Variants in BRD10 observed in about 807,000 individuals in gnomAD.
The protein encoded by BRD10 is uncharacterized bromodomain-containing protein 10.
chr9:5,990,008 G>A, the BRD10 span, among the ~76,000 whole-genome samples: 1 of 152,158 alleles, frequency 6.6e-6, no homozygotes, highest in Admixed American at 6.5e-5. Context: ...ACCATTATGT[G>A]TTTTCTCTGT....
the BRD10 span, among the ~76,000 whole-genome samples, chr9:5,937,248 T>TTAA: frequency 7.4e-6 from 1 of 136,012 alleles, no homozygotes; most frequent in Non-Finnish European, 1.6e-5. Context: ...AAAAAAGGGT[T>TTAA]TAAAGCAAAT....
the BRD10 span, chr9:6,007,460 T>C: frequency 1.2e-6 from 2 of 1,608,572 alleles, no homozygotes; most frequent in Non-Finnish European, 8.5e-7. Context: ...TCCTCCGCGG[T>C]GGCAACGCCC....
chr9:5,896,424 C>G, the BRD10 span, among the ~76,000 whole-genome samples: 1 of 152,134 alleles, frequency 6.6e-6, no homozygotes, highest in Admixed American at 6.5e-5. Flanking sequence ...ACTGTCATCC[C>G]ATGGTTCGCT....
At chr9:5,901,296 T>C in the BRD10 span, among the ~76,000 whole-genome samples, 2 of 152,206 alleles carry the variant, frequency 1.3e-5, no homozygotes, top group African/African-American at 2.4e-5. Flanking sequence ...CCTTGCCTTG[T>C]TCCTGATCTT....
At chr9:6,001,428 C>A in the BRD10 span, among the ~76,000 whole-genome samples, 1 of 152,164 alleles carries the variant, frequency 6.6e-6, no homozygotes, top group African/African-American at 2.4e-5. Flanking sequence ...GACTTAGCTG[C>A]CACTACATAT....
the BRD10 span, among the ~76,000 whole-genome samples, chr9:5,944,347 A>G: frequency 9.2e-5 from 14 of 152,242 alleles, no homozygotes; most frequent in African/African-American, 3.4e-4. Context: ...AGAAAATGAA[A>G]GTAAAGATTA....
the BRD10 span, chr9:5,906,765 G>A: frequency 3.3e-6 from 2 of 601,948 alleles, no homozygotes; most frequent in Non-Finnish European, 5.8e-6. Context: ...AAGGCACACA[G>A]CAAGTAAGTG....
At chr9:5,910,301 C>T in the BRD10 span, 4 of 152,000 alleles carry the variant, frequency 2.6e-5, no homozygotes, top group African/African-American at 9.7e-5. Flanking sequence ...CTACTAAAGA[C>T]AAAATTTCAC....
the BRD10 span, among the ~76,000 whole-genome samples, chr9:5,995,360 T>C: frequency 1.3e-5 from 2 of 152,250 alleles, no homozygotes; most frequent in Admixed American, 1.3e-4. Flanking sequence ...CCTTACTTTA[T>C]GTTTCAGTGA....
At chr9:5,919,632 G>C in the BRD10 span, 6 of 1,486,854 alleles carry the variant, frequency 4.0e-6, no homozygotes, top group Non-Finnish European at 5.4e-6. Context: ...AAATTTTTAT[G>C]GGAGTCAAAA....
At chr9:6,003,533 T>C in the BRD10 span, among the ~76,000 whole-genome samples, 1 of 152,178 alleles carries the variant, frequency 6.6e-6, no homozygotes, top group African/African-American at 2.4e-5. Context: ...AATAGATATG[T>C]TATCTAACAG....
chr9:5,968,167 TTTC>T, the BRD10 span: 1 of 1,604,876 alleles, frequency 6.2e-7, no homozygotes, highest in South Asian at 1.1e-5. Context: ...ATTTCTTTTT[TTTC>T]TTTTTCTTCT....
chr9:5,949,352 C>T, the BRD10 span, among the ~76,000 whole-genome samples: 1 of 151,964 alleles, frequency 6.6e-6, no homozygotes, highest in Non-Finnish European at 1.5e-5. Context: ...AGCGAGACTC[C>T]GTCTCAAAAC....
the BRD10 span, chr9:5,921,339 A>G: frequency 6.2e-7 from 1 of 1,613,826 alleles, no homozygotes; most frequent in Admixed American, 1.7e-5. Flanking sequence ...CCCACTGTAG[A>G]CGGAATCAGT....
chr9:5,926,221 C>A, the BRD10 span, among the ~76,000 whole-genome samples: 30 of 152,110 alleles, frequency 2.0e-4, no homozygotes, highest in African/African-American at 6.3e-4. Context: ...TGGCCATGTT[C>A]TCCAATTTAT....
the BRD10 span, among the ~76,000 whole-genome samples, chr9:5,974,568 C>A: frequency 9.9e-5 from 15 of 152,126 alleles, no homozygotes; most frequent in African/African-American, 3.6e-4. Context: ...ACAGAGAGTA[C>A]CCAGCTAAGG....
the BRD10 span, among the ~76,000 whole-genome samples, chr9:5,981,612 T>G: frequency 0.2 from 29,694 of 151,980 alleles, 3,126 homozygotes; most frequent in Middle Eastern, 0.3. Flanking sequence ...TATCTATCCA[T>G]GTATCTATCT....
the BRD10 span, chr9:5,921,763 T>C: frequency 6.7e-5 from 108 of 1,613,966 alleles, no homozygotes; most frequent in Non-Finnish European, 8.5e-5. Context: ...CCGAACTACT[T>C]GTTGTTGATG....
chr9:5,992,397 G>A, the BRD10 span, among the ~76,000 whole-genome samples: 8 of 152,032 alleles, frequency 5.3e-5, no homozygotes, highest in Non-Finnish European at 8.8e-5. Flanking sequence ...AAAGAATCCC[G>A]ATTAAACATG....
Sources: allele counts gnomAD v4.1 joint callset (sites outside exome capture counted in the v4.1 genomes callset), GRCh38; gene constraint gnomAD v4.1.1; transcripts MANE v1.5; gene names NCBI Gene and HGNC (gene_info 2026-07-23, HGNC 2026-07-21).